GPC5: variants seen among roughly 807,000 people sequenced by gnomAD.
The protein encoded by GPC5 is glypican-5.
Under a neutral mutation model 53.9 loss-of-function variants are expected in GPC5, and 47 were observed. That is an observed-to-expected ratio of 0.87 (90% CI 0.69 to 1.11). The LOEUF (loss-of-function observed/expected upper bound fraction) is 1.11. GPC5 is among the 50% of genes most tolerant of loss of function. The pLI is 0.00. For synonymous variants in GPC5, 286 were observed against 263.3 expected (o/e 1.09, Z -0.84); for missense variants, 748 against 713.1 (o/e 1.05, Z -0.56).
At chr13:92,074,810 C>A (rs1483998623) in intron 6 of GPC5, among the ~76,000 whole-genome samples, 1 of 152,134 alleles carries the variant, frequency 6.6e-6, no homozygotes, top group Non-Finnish European at 1.5e-5. Context: ...CAAAGTGATT[C>A]CTTCGCACAT....
At chr13:92,596,438 A>G (rs1401048280) in intron 7 of GPC5, among the ~76,000 whole-genome samples, 4 of 152,016 alleles carry the variant, frequency 2.6e-5, no homozygotes, top group East Asian at 3.9e-4. Context: ...AGGTTTATAT[A>G]TATACATATA....
chr13:92,231,322 ATC>A (rs1252494311), intron 7 of GPC5, among the ~76,000 whole-genome samples: 1 of 152,166 alleles, frequency 6.6e-6, no homozygotes, highest in East Asian at 1.9e-4. Flanking sequence ...AGTGCATGTT[ATC>A]TCTCTTTTGG....
At chr13:92,810,623 C>T (rs1040691035) in intron 7 of GPC5, among the ~76,000 whole-genome samples, 3 of 151,886 alleles carry the variant, frequency 2.0e-5, no homozygotes, top group Admixed American at 6.6e-5. Context: ...CCCCAGTAAC[C>T]TTGAATCTAC....
At chr13:91,780,711 C>A (rs1170603868) in intron 5 of GPC5, among the ~76,000 whole-genome samples, 1 of 152,250 alleles carries the variant, frequency 6.6e-6, no homozygotes, top group Admixed American at 6.5e-5. Context: ...TCAAACATTT[C>A]TTTTGTAGTA....
At chr13:92,168,321 A>G (rs960904413) in intron 7 of GPC5, among the ~76,000 whole-genome samples, 2 of 152,224 alleles carry the variant, frequency 1.3e-5, no homozygotes, top group African/African-American at 4.8e-5. Context: ...TTGCAACAAA[A>G]GCAAAAATTG....
At chr13:92,812,260 G>C (rs374461192) in intron 7 of GPC5, among the ~76,000 whole-genome samples, 2 of 151,714 alleles carry the variant, frequency 1.3e-5, no homozygotes, top group African/African-American at 4.9e-5. Flanking sequence ...TAATTTTCAC[G>C]ATGTTTTATA....
chr13:92,829,185 C>T (rs1019812694), intron 7 of GPC5, among the ~76,000 whole-genome samples: 16 of 152,082 alleles, frequency 1.1e-4, no homozygotes, highest in African/African-American at 3.9e-4. Flanking sequence ...GATCTATGTT[C>T]AGAAGACTCA....
chr13:91,984,696 T>A (rs2040390832), intron 6 of GPC5, among the ~76,000 whole-genome samples: 2 of 152,240 alleles, frequency 1.3e-5, no homozygotes, highest in African/African-American at 4.8e-5. Context: ...TTCAATATTT[T>A]CTTTTGTAAA....
chr13:91,787,694 C>T (rs2037900619), intron 5 of GPC5, among the ~76,000 whole-genome samples: 3 of 151,904 alleles, frequency 2.0e-5, no homozygotes, highest in Non-Finnish European at 1.5e-5. Context: ...AATTCTGTTT[C>T]AAGAAATTGT....
intron 7 of GPC5, among the ~76,000 whole-genome samples, chr13:92,433,764 G>A (rs532114412): frequency 2.0e-5 from 3 of 152,268 alleles, no homozygotes; most frequent in South Asian, 4.1e-4. Flanking sequence ...GTTGCCGTGT[G>A]TTGAGAAAGT....
Position 92,063,737 on chromosome 13 carries a change from C to T in GPC5, c.1402-81093C>T, listed in dbSNP as rs191502301. Among the ~76,000 whole-genome samples, 57 of 152,074 alleles carry T rather than the reference C, an allele frequency of 3.7e-4. 1 individual carries two copies. Among genetic ancestry groups the T allele is most frequent in the African/African-American group, 1.3e-3 (52 of 41,532 alleles). Reference sequence around the variant, plus strand: ...TTTTCCTGACTAGTAAGCTAAAATGCTTAATGATATGACATGAAGGAGTTT... The same window carrying T: ...TTTTCCTGACTAGTAAGCTAAAATGTTTAATGATATGACATGAAGGAGTTT... On this transcript the variant is annotated intron_variant, in intron 6 of 7. Transcript: ENST00000377067.
intron 6 of GPC5, among the ~76,000 whole-genome samples, chr13:92,113,655 A>G (rs2041575786): frequency 6.6e-6 from 1 of 152,184 alleles, no homozygotes; most frequent in South Asian, 2.1e-4. Flanking sequence ...CCCTCCAGAA[A>G]TACCATATAC....
intron 6 of GPC5, among the ~76,000 whole-genome samples, chr13:91,913,294 G>A (rs1296258618): frequency 6.6e-6 from 1 of 151,772 alleles, no homozygotes; most frequent in Non-Finnish European, 1.5e-5. Context: ...AGCTACTAGG[G>A]AGGCTGAGGC....
chr13:92,197,577 A>G (rs1252650385), intron 7 of GPC5, among the ~76,000 whole-genome samples: 1 of 151,914 alleles, frequency 6.6e-6, no homozygotes, highest in Non-Finnish European at 1.5e-5. Context: ...AGCTCATGGC[A>G]GCCTCAACCC....
intron 6 of GPC5, among the ~76,000 whole-genome samples, chr13:91,991,920 A>G (rs2138736143): frequency 6.6e-6 from 1 of 152,344 alleles, no homozygotes; most frequent in East Asian, 1.9e-4. Context: ...CAAATAAAAA[A>G]TGTATTATTG....
intron 5 of GPC5, among the ~76,000 whole-genome samples, chr13:91,783,302 A>G (rs2037827410): frequency 6.6e-6 from 1 of 152,192 alleles, no homozygotes; most frequent in African/African-American, 2.4e-5. Context: ...GACAAAATTG[A>G]GAGATAAAAG....
At chr13:91,662,891 TTG>T (rs2035018961) in intron 2 of GPC5, among the ~76,000 whole-genome samples, 1 of 152,212 alleles carries the variant, frequency 6.6e-6, no homozygotes, top group South Asian at 2.1e-4. Flanking sequence ...CAAACACAGC[TTG>T]GCTACAGCTG....
intron 7 of GPC5, among the ~76,000 whole-genome samples, chr13:92,228,320 GAAAT>G (rs900090404): frequency 6.6e-6 from 1 of 151,930 alleles, no homozygotes; most frequent in African/African-American, 2.4e-5. Context: ...TAAATAAAAA[GAAAT>G]AAAAGTAAAA....
At chr13:91,724,718 A>G (rs1258882811) in intron 3 of GPC5, among the ~76,000 whole-genome samples, 1 of 152,072 alleles carries the variant, frequency 6.6e-6, no homozygotes, top group Non-Finnish European at 1.5e-5. Context: ...TAAGCCAGGC[A>G]TGGTGGCATG....
Sources: allele counts gnomAD v4.1 joint callset (sites outside exome capture counted in the v4.1 genomes callset), GRCh38; gene constraint gnomAD v4.1.1; transcripts MANE v1.5; gene names NCBI Gene and HGNC (gene_info 2026-07-23, HGNC 2026-07-21).